RSPO4: variants seen among roughly 807,000 people sequenced by gnomAD.
RSPO4 encodes the protein R-spondin-4.
RSPO4 carries 23 observed loss-of-function variants against 24.8 expected under a neutral mutation model. The observed-to-expected ratio is 0.93, with a 90% CI of 0.67 to 1.31. The LOEUF (loss-of-function observed/expected upper bound fraction) is 1.31, where lower values mean the gene tolerates loss of function less well. Among genes scored for constraint, RSPO4 ranks in the 40% most tolerant of loss-of-function variants. The pLI, the probability that RSPO4 is intolerant of heterozygous loss-of-function variation, is 0.00. For missense variants in RSPO4, 333 were observed against 316.5 expected (o/e 1.05, Z -0.39); for synonymous variants, 141 against 127.4 (o/e 1.11, Z -0.72).
At chr20:963,858 T>G in intron 4 of RSPO4, 77 bp downstream of exon 4, 5 of 1,413,640 alleles carry the variant, frequency 3.5e-6, no homozygotes, top group Non-Finnish European at 5.0e-6. Context: ...ATACTATTTG[T>G]GGGGCAGTGA....
chr20:976,598 T>G lies in RSPO4; in HGVS notation c.80-8460A>C, dbSNP rs140150991. Among the ~76,000 whole-genome samples, 21 of 151,818 alleles carry G rather than the reference T, an allele frequency of 1.4e-4. No individual in the cohort carries two copies. In the East Asian group the frequency reaches 2.7e-3, roughly 20 times the overall value. ...TTTTTTTCCATTTCAGGGTTTTGAGTGAACTTAGGGTCATCTCTGCCATAT... is the reference window on the plus strand; with the variant it reads ...TTTTTTTCCATTTCAGGGTTTTGAGGGAACTTAGGGTCATCTCTGCCATAT... On this transcript the variant is annotated intron_variant, in intron 1 of 4. Transcript: ENST00000217260.
chr20:972,599 G>A (rs902362007), intron 1 of RSPO4, among the ~76,000 whole-genome samples: 6 of 152,236 alleles, frequency 3.9e-5, no homozygotes, highest in African/African-American at 2.4e-5. Context: ...GGATCTTATA[G>A]AAAGACAGCT....
chr20:969,184 C>T (rs1282986188), intron 1 of RSPO4, among the ~76,000 whole-genome samples: 5 of 152,234 alleles, frequency 3.3e-5, no homozygotes, highest in African/African-American at 4.8e-5. Context: ...GGTATGGTGG[C>T]ACACACCTGT....
At chr20:966,001 C>A (rs1984182973) in intron 3 of RSPO4, among the ~76,000 whole-genome samples, 1 of 152,126 alleles carries the variant, frequency 6.6e-6, no homozygotes, top group African/African-American at 2.4e-5. Flanking sequence ...CTCGCGCATG[C>A]CACCCAGGGA....
intron 1 of RSPO4, among the ~76,000 whole-genome samples, chr20:976,409 T>C (rs1291241515): frequency 1.3e-5 from 2 of 152,188 alleles, no homozygotes; most frequent in Non-Finnish European, 2.9e-5. Context: ...GCTTTGGTCC[T>C]AGGTGAAGGG....
intron 1 of RSPO4, among the ~76,000 whole-genome samples, chr20:990,069 C>T (rs1985047405): frequency 6.6e-6 from 1 of 152,182 alleles, no homozygotes; most frequent in Admixed American, 6.5e-5. Flanking sequence ...GGGCTTGGCC[C>T]AAGCATTCAC....
chr20:996,165 G>A (rs763441404), intron 1 of RSPO4, among the ~76,000 whole-genome samples: 1 of 151,942 alleles, frequency 6.6e-6, no homozygotes, highest in Non-Finnish European at 1.5e-5. Flanking sequence ...CTGACCCTTC[G>A]CAAAAAATGT....
intron 1 of RSPO4, among the ~76,000 whole-genome samples, chr20:973,034 A>T (rs1049471306): frequency 1.3e-5 from 2 of 152,338 alleles, no homozygotes; most frequent in African/African-American, 4.8e-5. Flanking sequence ...AAAAACCGAG[A>T]ATCAAGGAGG....
chr20:979,330 G>A (rs1217476506), intron 1 of RSPO4, among the ~76,000 whole-genome samples: 1 of 152,062 alleles, frequency 6.6e-6, no homozygotes, highest in Admixed American at 6.6e-5. Flanking sequence ...CACCCGCAAG[G>A]CTCCCTCCCT....
chr20:993,583 G>A (rs751347031), intron 1 of RSPO4, among the ~76,000 whole-genome samples: 38 of 152,218 alleles, frequency 2.5e-4, no homozygotes, highest in Middle Eastern at 3.4e-3. Context: ...AGAATAATAG[G>A]GTCAAGCCAC....
At chr20:962,329 G>T (rs960213206) in intron 4 of RSPO4, among the ~76,000 whole-genome samples, 3 of 152,224 alleles carry the variant, frequency 2.0e-5, no homozygotes, top group African/African-American at 7.2e-5. Context: ...GATGCAGGGA[G>T]CTACAGCGGG....
At chr20:991,220 C>T (rs1329120511) in intron 1 of RSPO4, among the ~76,000 whole-genome samples, 3 of 152,158 alleles carry the variant, frequency 2.0e-5, no homozygotes, top group Non-Finnish European at 4.4e-5. Flanking sequence ...GGATTTCAGG[C>T]GAGAGTCAAT....
intron 1 of RSPO4, among the ~76,000 whole-genome samples, chr20:968,744 A>G (rs2122219887): frequency 6.6e-6 from 1 of 152,326 alleles, no homozygotes; most frequent in South Asian, 2.1e-4. Flanking sequence ...GGGTTCCTGA[A>G]CAATACTCAG....
Position 1,002,107 on chromosome 20 carries a change from G to T in RSPO4, c.58C>A (p.Leu20Met). ...LVAHAVDMLA[L>M]NRRKKQVGTG... ...GTACCTTGCTTCTTCCTTCGGTTCAGGGCGAGCATGTCCACGGCGTGGGCG... is the reference window on the plus strand; with the variant it reads ...GTACCTTGCTTCTTCCTTCGGTTCATGGCGAGCATGTCCACGGCGTGGGCG... The change falls in exon 1 of 5, where the codon CTG becomes ATG. Residue 20 changes from leucine to methionine, a missense_variant. Transcript: ENST00000217260. This position sits in a 1 kb window ranked among gnomAD's most constrained non-coding sequence, Gnocchi z 4.6. 1 of 1,564,148 alleles carries T rather than the reference G, an allele frequency of 6.4e-7. No homozygotes were observed.
intron 1 of RSPO4, among the ~76,000 whole-genome samples, chr20:989,829 C>G (rs1306792974): frequency 6.6e-6 from 1 of 152,200 alleles, no homozygotes; most frequent in Non-Finnish European, 1.5e-5. Context: ...CTGTCCTACC[C>G]CACCCCCAGC....
chr20:973,289 C>T (rs931845921), intron 1 of RSPO4, among the ~76,000 whole-genome samples: 28 of 152,358 alleles, frequency 1.8e-4, no homozygotes, highest in African/African-American at 6.7e-4. Context: ...CAAAGCAAAG[C>T]TCTTACCACT....
Position 1,002,011 on chromosome 20 carries a change from G to A in RSPO4, c.79+75C>T, listed in dbSNP as rs575845348. 53 of 1,331,236 alleles carry A rather than the reference G, an allele frequency of 4.0e-5. No individual in the cohort carries two copies. Among genetic ancestry groups the A allele is most frequent in the Admixed American group, 2.8e-4 (14 of 49,812 alleles). The allele number at this position is 1,331,236 out of a possible 1,614,324, so 82.5% of individuals were successfully genotyped here. On this transcript the variant is annotated intron_variant, in intron 1 of 4. Coordinates refer to ENST00000217260, the MANE Select transcript of RSPO4 (RefSeq NM_001029871.4). The surrounding 1 kb of genome is among the most constrained non-coding windows in gnomAD (Gnocchi z 4.6). ...GCACCAGGCAGATGCCCCCAGAGCC[G>A]CCGCCCCCGGTCCTCCGGCCCCCGG... is the stretch of plus-strand genomic sequence containing the variant.
At chr20:985,970 G>C (rs1984907227) in intron 1 of RSPO4, among the ~76,000 whole-genome samples, 1 of 152,236 alleles carries the variant, frequency 6.6e-6, no homozygotes, top group Non-Finnish European at 1.5e-5. Context: ...GGTGGGGTCT[G>C]GCAGAGGCAG....
At chr20:1,000,304 C>T (rs190596959) in intron 1 of RSPO4, among the ~76,000 whole-genome samples, 150 of 152,300 alleles carry the variant, frequency 9.8e-4, no homozygotes, top group Non-Finnish European at 1.8e-3. Flanking sequence ...TGCTGTGCGA[C>T]CTTGGACAAG....
Sources: gnomAD v4.1 joint callset for allele counts (sites outside exome capture counted in the v4.1 genomes callset) on GRCh38, gnomAD v4.1.1 for gene constraint, Gnocchi (gnomAD v3.1) non-coding constraint, MANE v1.5 for transcripts, NCBI Gene and HGNC (gene_info 2026-07-23, HGNC 2026-07-21) for gene names.